The following COQ8A variants were observed in gnomAD, a reference collection of about 807,000 sequenced individuals.
The protein encoded by COQ8A is atypical kinase COQ8A, mitochondrial.
Under a neutral mutation model 65.0 loss-of-function variants are expected in COQ8A, and 51 were observed. That is an observed-to-expected ratio of 0.78 (90% CI 0.63 to 0.99). COQ8A has a LOEUF of 0.99. COQ8A is among the 50% of genes least tolerant of loss of function. The pLI is 0.00. For synonymous variants in COQ8A, 371 were observed against 353.2 expected, an observed-to-expected ratio of 1.05 and a Z score of -0.57; for missense variants, 940 against 875.0, an observed-to-expected ratio of 1.07 and a Z score of -0.94.
rs1657258942 is a variant in COQ8A, at chr1:226,949,690, C to T, written c.-10+9291C>T. Among the ~76,000 whole-genome samples, 1 of 152,342 alleles carries T rather than the reference C, an allele frequency of 6.6e-6. No individual in the cohort carries two copies. The highest frequency in any genetic ancestry group is 1.9e-4 in the East Asian group (1 of 5,176). ...GCGGGTTATCCAGACTGATCCCATT[C>T]ACCCTAACCGTTGGTCTCACCAAGT... On this transcript the variant is annotated intron_variant, in intron 1 of 14. Transcript: ENST00000366777. This position sits in a 1 kb window ranked among gnomAD's most constrained non-coding sequence, Gnocchi z 4.0.
chr1:226,959,836 A>G (rs145611287), intron 1 of COQ8A, among the ~76,000 whole-genome samples: 2 of 152,372 alleles, frequency 1.3e-5, no homozygotes, highest in African/African-American at 2.4e-5. Context: ...TTAGGTAGGA[A>G]GAAAGACACA....
In COQ8A at chr1:226,982,805, C is replaced by A. The variant is rs1212263423; in HGVS notation, c.939+42C>A. 3.1e-6 allele frequency: 5 copies of A among 1,613,070 alleles called. No homozygotes were observed. The Admixed American group carries it at 6.7e-5, about 22-fold the overall frequency. ...TCTGCCCACTCTCTGTGGCCTCGGC[C>A]CCCACTGGGTGGAGGGGACAGACTT... is the stretch of plus-strand genomic sequence containing the variant. On this transcript the variant is annotated intron_variant, in intron 7 of 14. Transcript: ENST00000366777.
chr1:226,973,607 G>A (rs1463618382), intron 4 of COQ8A, among the ~76,000 whole-genome samples: 1 of 152,170 alleles, frequency 6.6e-6, no homozygotes, highest in African/African-American at 2.4e-5. Context: ...AACTCCTCTC[G>A]CCTTCCCGTG....
rs148269412 is a variant in COQ8A at position 226,954,344 on chromosome 1, C to T, written c.-9-7033C>T. On this transcript the variant is annotated intron_variant, in intron 1 of 14. Coordinates refer to ENST00000366777, the MANE Select transcript of COQ8A (RefSeq NM_020247.5). ...TCTTAGGAAAGGGTCTCTGTGGAGG[C>T]ATCCTGCCTGGCCATAGGCATGGGC... is the stretch of plus-strand genomic sequence containing the variant. Among the ~76,000 whole-genome samples, 1,319 of 152,366 alleles carry T rather than the reference C, an allele frequency of 8.7e-3. 24 individuals carry two copies. Among genetic ancestry groups the T allele is most frequent in the African/African-American group, 0.03 (1,228 of 41,582 alleles).
At chr1:226,953,306 G>A (rs1178672652) in intron 1 of COQ8A, among the ~76,000 whole-genome samples, 1 of 152,236 alleles carries the variant, frequency 6.6e-6, no homozygotes, top group Non-Finnish European at 1.5e-5. Flanking sequence ...GGGATTACAG[G>A]CATGAGCCAC....
At position 226,982,194 on chromosome 1, in the gene COQ8A, TG is replaced by T. The variant is rs537948398; in HGVS notation, c.853+52del. On this transcript the variant is annotated intron_variant, in intron 6 of 14. Transcript: ENST00000366777. ...GCTGCCCCGGGACTGCGTGGGCTGC[TG>T]GGGGGGTCAACTTCCAGGGCCGGGA... 320 of 1,543,196 alleles carry T rather than the reference TG, an allele frequency of 2.1e-4. 4 individuals are homozygous for T. The East Asian group carries it at 7.2e-3, about 35-fold the overall frequency.
chr1:226,960,616 ATGG>A (rs777819893), intron 1 of COQ8A, among the ~76,000 whole-genome samples: 1,347 of 40,860 alleles, frequency 0.033, 19 homozygotes, highest in Admixed American at 0.047. Context: ...GGCGGTGGTG[ATGG>A]TGGTGGTGGT....
intron 8 of COQ8A, 197 bp downstream of exon 8, chr1:226,983,231 G>C (rs1659827839): frequency 2.1e-6 from 2 of 933,856 alleles, no homozygotes; most frequent in Non-Finnish European, 1.6e-6. Context: ...GAGTGACTTT[G>C]GGGGCACAGA....
chr1:226,983,322 G>A (rs1659833504), intron 8 of COQ8A: 1 of 657,324 alleles, frequency 1.5e-6, no homozygotes, highest in African/African-American at 1.8e-5. Context: ...CTGGTGGGAG[G>A]GTGGCCGTGA....
At chr1:226,985,680 G>T (rs1441234847) in intron 14 of COQ8A, among the ~76,000 whole-genome samples, 1 of 152,216 alleles carries the variant, frequency 6.6e-6, no homozygotes, top group East Asian at 1.9e-4. Context: ...GCCTCCCTGG[G>T]GGGAGTTGGA....
Position 226,961,561 on chromosome 1 carries a change from A to T in COQ8A, c.176A>T (p.Gln59Leu). 1 of 1,608,992 alleles carries T rather than the reference A, an allele frequency of 6.2e-7. No homozygotes were observed. The highest frequency in any genetic ancestry group is 1.1e-5 in the South Asian group (1 of 90,922). The part of the protein sequence containing the change: ...EQIGMFLGKV[Q>L]GQDKHEEYFA... ...ATTGGCATGTTCTTGGGGAAGGTGC[A>T]GGTAAGGGGGCCTGGCAGTGGGAGG... is the stretch of plus-strand genomic sequence containing the variant. The change falls in exon 2 of 15, where the codon CAG (glutamine) becomes CTG (leucine). Residue 59 changes from glutamine to leucine, a missense_variant and splice_region_variant. Gln to Leu is a moderately radical substitution (Grantham distance 113). Coordinates refer to ENST00000366777, the MANE Select transcript of COQ8A (RefSeq NM_020247.5).
chr1:226,956,014 C>T (rs1164612130), intron 1 of COQ8A, among the ~76,000 whole-genome samples: 34 of 100,070 alleles, frequency 3.4e-4, no homozygotes, highest in African/African-American at 5.2e-4. Context: ...TCCCTGGCTC[C>T]CACTCTCCCT....
At chr1:226,948,363 T>C (rs1177166777) in intron 1 of COQ8A, among the ~76,000 whole-genome samples, 1 of 152,126 alleles carries the variant, frequency 6.6e-6, no homozygotes, top group African/African-American at 2.4e-5. Context: ...TATGGGCCCT[T>C]GTGATTACAT....
At chr1:226,954,969 G>A (rs1223423944) in intron 1 of COQ8A, among the ~76,000 whole-genome samples, 4 of 152,150 alleles carry the variant, frequency 2.6e-5, no homozygotes, top group Non-Finnish European at 5.9e-5. Context: ...AGATCCGGGA[G>A]GAGGAGAGGA....
At position 226,986,734 on chromosome 1, in the gene COQ8A, G is replaced by A; in HGVS notation, c.1941G>A (p.Gln647=). Residue 647 remains glutamine (Q), a synonymous_variant, in exon 15 of 15, where the codon CAG becomes CAA. Transcript: ENST00000366777. ...YSNYCKRQAQ[Q] is the part of the protein sequence containing the mutation. ...ACTACTGCAAGAGGCAGGCCCAGCAGTAGGGCTGCGGGCCACGCCCAGGCC... is the reference window on the plus strand; with the variant it reads ...ACTACTGCAAGAGGCAGGCCCAGCAATAGGGCTGCGGGCCACGCCCAGGCC... 6.2e-7 allele frequency: 1 copy of A among 1,612,568 alleles called. No homozygotes were observed. Among genetic ancestry groups the A allele is most frequent in the Non-Finnish European group, 8.5e-7 (1 of 1,179,954 alleles).
intron 2 of COQ8A, among the ~76,000 whole-genome samples, chr1:226,963,961 G>A (rs1658405516): frequency 6.6e-6 from 1 of 152,190 alleles, no homozygotes; most frequent in South Asian, 2.1e-4. Context: ...GCCAGCCTGG[G>A]TGTTGGATCC....
intron 4 of COQ8A, among the ~76,000 whole-genome samples, chr1:226,975,734 C>G (rs567117826): frequency 1.3e-5 from 2 of 152,294 alleles, no homozygotes; most frequent in South Asian, 2.1e-4. Context: ...GGCGAGTGCT[C>G]TACTCACGCC....
intron 1 of COQ8A, among the ~76,000 whole-genome samples, chr1:226,957,884 T>C (rs1044696886): frequency 6.6e-6 from 1 of 152,128 alleles, no homozygotes; most frequent in Non-Finnish European, 1.5e-5. Flanking sequence ...GTCTCCAGCA[T>C]GAGTGAGACG....
At chr1:226,974,191 G>A (rs899250166) in intron 4 of COQ8A, among the ~76,000 whole-genome samples, 1 of 152,216 alleles carries the variant, frequency 6.6e-6, no homozygotes, top group East Asian at 1.9e-4. Flanking sequence ...CTGGGCTCCA[G>A]AAGTCATAGG....
Sources: allele counts gnomAD v4.1 joint callset (sites outside exome capture counted in the v4.1 genomes callset), GRCh38; gene constraint gnomAD v4.1.1; non-coding constraint Gnocchi (gnomAD v3.1); transcripts MANE v1.5; gene names NCBI Gene and HGNC (gene_info 2026-07-23, HGNC 2026-07-21).